WIPF1: variants seen among roughly 807,000 people sequenced by gnomAD.
WIPF1 encodes the protein WAS/WASL-interacting protein family member 1.
In WIPF1, 13 loss-of-function variants were observed where a neutral mutation model predicts 35.4. That is an observed-to-expected ratio of 0.37 (90% CI 0.24 to 0.58). The LOEUF is 0.58. Among genes scored for constraint, WIPF1 ranks in the 20% least tolerant of loss-of-function variants. The pLI, the probability that WIPF1 is intolerant of heterozygous loss-of-function variation, is 0.74. For synonymous variants in WIPF1, 267 were observed against 266.3 expected (o/e 1.00, Z -0.02); for missense variants, 591 against 667.0 (o/e 0.89, Z 1.25).
chr2:174,627,404 TTTTTC>T (rs1052100734), intron 1 of WIPF1, among the ~76,000 whole-genome samples: 12 of 152,076 alleles, frequency 7.9e-5, no homozygotes, highest in Admixed American at 2.6e-4. Flanking sequence ...TTTTCTTTTC[TTTTTC>T]TTTTCTTCTT....
intron 1 of WIPF1, among the ~76,000 whole-genome samples, chr2:174,657,510 G>T (rs1687667650): frequency 6.6e-6 from 1 of 152,156 alleles, no homozygotes. Context: ...CAGAAAAGGG[G>T]CCTGCAGCAT....
intron 2 of WIPF1, among the ~76,000 whole-genome samples, chr2:174,581,918 A>C (rs1685255387): frequency 6.6e-6 from 1 of 152,144 alleles, no homozygotes; most frequent in Admixed American, 6.5e-5. Context: ...AAACCCACTA[A>C]AGTTCTAGAA....
chr2:174,673,564 CCTGATTCAGCGCAG>C (rs1471506528), intron 1 of WIPF1: 1 of 152,278 alleles, frequency 6.6e-6, no homozygotes, highest in African/African-American at 2.4e-5. Flanking sequence ...CTGTCTTCTC[CCTGATTCAGCGCAG>C]CTCCCGCTAG....
chr2:174,595,185 G>A (rs761842371), intron 1 of WIPF1, among the ~76,000 whole-genome samples: 17 of 139,764 alleles, frequency 1.2e-4, no homozygotes, highest in Middle Eastern at 4.2e-3. Context: ...CAGCTACTTG[G>A]GAGGCTGAGG....
Position 174,591,972 on chromosome 2 carries a change from G to A in WIPF1, c.-39+5629C>T, listed in dbSNP as rs533196128. On this transcript the variant is annotated intron_variant, in intron 1 of 7. Coordinates refer to ENST00000679041, the MANE Select transcript of WIPF1 (RefSeq NM_001375834.1). Reference sequence around the variant, plus strand: ...GTACAGGGGACACATTCTCCTCAATGGCATGGCCAACTAGAGGTCAACCAT... The same window carrying A: ...GTACAGGGGACACATTCTCCTCAATAGCATGGCCAACTAGAGGTCAACCAT... Among the ~76,000 whole-genome samples the A allele has an allele frequency of 8.5e-5, 13 of 152,288 alleles. No individual in the cohort carries two copies. In the South Asian group the frequency reaches 2.7e-3, roughly 32 times the overall value.
chr2:174,581,276 T>G (rs1334084041), intron 3 of WIPF1, 34 bp downstream of exon 3: 2 of 1,612,228 alleles, frequency 1.2e-6, no homozygotes, highest in African/African-American at 2.7e-5. Context: ...CATAAACTGT[T>G]CCTCTCCATG....
chr2:174,650,481 C>T (rs763432215), intron 1 of WIPF1, among the ~76,000 whole-genome samples: 14 of 152,150 alleles, frequency 9.2e-5, no homozygotes, highest in Admixed American at 1.3e-4. Flanking sequence ...CGGCAAACAC[C>T]GGGATACGAA....
chr2:174,585,767 C>T (rs1685396944), intron 1 of WIPF1, among the ~76,000 whole-genome samples, 156 bp from the exon 2 acceptor site: 1 of 152,180 alleles, frequency 6.6e-6, no homozygotes, highest in Non-Finnish European at 1.5e-5. Context: ...CATTACTGTT[C>T]TGGAAGGATC....
At chr2:174,677,768 G>GGGGCA (rs1193639963) in intron 1 of WIPF1, among the ~76,000 whole-genome samples, 1 of 152,192 alleles carries the variant, frequency 6.6e-6, no homozygotes, top group Non-Finnish European at 1.5e-5. Context: ...ATGAAGAGAA[G>GGGGCA]GGGCAGTGTG....
intron 1 of WIPF1, among the ~76,000 whole-genome samples, chr2:174,629,133 A>G (rs1446304809): frequency 6.6e-6 from 1 of 152,108 alleles, no homozygotes; most frequent in Non-Finnish European, 1.5e-5. Flanking sequence ...GAATTGCTTG[A>G]GCCTAGGGGT....
intron 1 of WIPF1, chr2:174,634,371 A>C (rs1436884853): frequency 6.6e-6 from 1 of 152,256 alleles, no homozygotes; most frequent in Non-Finnish European, 1.5e-5. Flanking sequence ...AACAACGTGC[A>C]GTTAACAGCT....
In WIPF1 at chr2:174,562,449, A is replaced by T; in HGVS notation, c.*98T>A. ...CCCTCCCACCTTTCCTCCTGCCCAT[A>T]CATGAGGCACAAGGGAAGAAGCAGG... is the stretch of plus-strand genomic sequence containing the variant. On this transcript the variant is annotated 3_prime_UTR_variant, in exon 8 of 8. Coordinates refer to ENST00000679041, the MANE Select transcript of WIPF1 (RefSeq NM_001375834.1). 6.3e-7 allele frequency: 1 copy of T among 1,592,406 alleles called. No individual in the cohort carries two copies. Among genetic ancestry groups the T allele is most frequent in the Non-Finnish European group, 8.6e-7 (1 of 1,168,534 alleles).
Position 174,581,453 on chromosome 2 carries a change from A to G in WIPF1, c.52-14T>C. ...CTCTGTATTGGCCTGAAAGGGAGCC[A>G]TACAAACAAGTAGTCATCTCTTGGG... On this transcript the variant is annotated splice_polypyrimidine_tract_variant and intron_variant, in intron 2 of 7. Coordinates refer to ENST00000679041, the MANE Select transcript of WIPF1 (RefSeq NM_001375834.1). The G allele has an allele frequency of 6.2e-7, 1 of 1,612,748 alleles. No individual in the cohort carries two copies.
chr2:174,648,224 T>C (rs1372962431), intron 1 of WIPF1, among the ~76,000 whole-genome samples: 1 of 152,218 alleles, frequency 6.6e-6, no homozygotes, highest in Non-Finnish European at 1.5e-5. Flanking sequence ...ACATCTATTA[T>C]TTTGTTTGCC....
Position 174,561,873 on chromosome 2 carries a change from G to A in WIPF1, c.*674C>T. The A allele has an allele frequency of 1.7e-6, 1 of 591,302 alleles. No homozygotes were observed. The allele number at this position is 591,302 out of a possible 1,614,324, so 36.6% of individuals were successfully genotyped here. On this transcript the variant is annotated 3_prime_UTR_variant, in exon 8 of 8. Coordinates refer to ENST00000679041, the MANE Select transcript of WIPF1 (RefSeq NM_001375834.1). ...AAGTGTAAAATACACTCTGGATTTTGAAGATTCAGTACCAAAAAATAATAT... is the reference window on the plus strand; with the variant it reads ...AAGTGTAAAATACACTCTGGATTTTAAAGATTCAGTACCAAAAAATAATAT...
At chr2:174,589,434 A>G (rs533810240) in intron 1 of WIPF1, among the ~76,000 whole-genome samples, 75 of 152,264 alleles carry the variant, frequency 4.9e-4, no homozygotes, top group Non-Finnish European at 9.4e-4. Flanking sequence ...CAACTTCCCC[A>G]GAGAAGTAGA....
At chr2:174,628,753 C>A (rs1442766087) in intron 1 of WIPF1, among the ~76,000 whole-genome samples, 1 of 152,208 alleles carries the variant, frequency 6.6e-6, no homozygotes, top group Non-Finnish European at 1.5e-5. Context: ...TTGTTCTGCA[C>A]CCTCTACCAT....
At chr2:174,653,098 C>T (rs996670843) in intron 1 of WIPF1, among the ~76,000 whole-genome samples, 1 of 152,110 alleles carries the variant, frequency 6.6e-6, no homozygotes, top group African/African-American at 2.4e-5. Context: ...TTACTGGGCC[C>T]ATTTTACAAA....
chr2:174,628,344 G>T (rs140028950), intron 1 of WIPF1, among the ~76,000 whole-genome samples: 4 of 152,240 alleles, frequency 2.6e-5, no homozygotes, highest in African/African-American at 9.6e-5. Flanking sequence ...CATCACAACA[G>T]ACACTTCACA....
Sources: gnomAD v4.1 joint callset for allele counts (sites outside exome capture counted in the v4.1 genomes callset) on GRCh38, gnomAD v4.1.1 for gene constraint, MANE v1.5 for transcripts, NCBI Gene and HGNC (gene_info 2026-07-23, HGNC 2026-07-21) for gene names.